Variants in SLC25A44 observed in about 807,000 individuals in gnomAD.
The protein encoded by SLC25A44 is solute carrier family 25, member 44.
SLC25A44 carries 17 observed loss-of-function variants against 29.9 expected under a neutral mutation model. That is an observed-to-expected ratio of 0.57 (90% CI 0.39 to 0.85). SLC25A44 has a LOEUF of 0.85. Among genes scored for constraint, SLC25A44 ranks in the 40% least tolerant of loss-of-function variants. SLC25A44 has a pLI of 0.00. For synonymous variants in SLC25A44, 140 were observed against 151.8 expected, an observed-to-expected ratio of 0.92 and a Z score of 0.57; for missense variants, 302 against 398.4, an observed-to-expected ratio of 0.76 and a Z score of 2.06.
At chr1:156,206,003 C>T (rs954703042) in intron 2 of SLC25A44, among the ~76,000 whole-genome samples, 2 of 152,160 alleles carry the variant, frequency 1.3e-5, no homozygotes, top group Non-Finnish European at 2.9e-5. Context: ...GGTACCATTC[C>T]ATCTTCATTA....
intron 2 of SLC25A44, among the ~76,000 whole-genome samples, chr1:156,207,044 A>G (rs1310890112): frequency 6.6e-6 from 1 of 152,172 alleles, no homozygotes; most frequent in East Asian, 1.9e-4. Context: ...TCCTGTTTAA[A>G]TGGACGATGT....
chr1:156,199,478 A>G, intron 1 of SLC25A44: 1 of 254,748 alleles, frequency 3.9e-6, no homozygotes, highest in Non-Finnish European at 7.5e-6. Context: ...TGGCCAGAGT[A>G]GTGATACCAG....
At position 156,211,277 on chromosome 1, in the gene SLC25A44, C is replaced by T. The variant is rs1181121244; in HGVS notation, c.*846C>T. 6.5e-6 allele frequency: 1 copy of T among 152,830 alleles called. No homozygotes were observed. The highest frequency in any genetic ancestry group is 1.5e-5 in the Non-Finnish European group (1 of 68,108). The allele number at this position is 152,830 out of a possible 1,614,324, so 9.5% of individuals were successfully genotyped here. On this transcript the variant is annotated 3_prime_UTR_variant, in exon 4 of 4. Coordinates refer to ENST00000359511, the MANE Select transcript of SLC25A44 (RefSeq NM_014655.4). ...GTCTAAGCTGGGGCATCCCCTGGCC[C>T]AGAGGACTCCCGTGGTGGGCACAGT...
At chr1:156,199,567 G>A in intron 1 of SLC25A44, 1 of 466,356 alleles carries the variant, frequency 2.1e-6, no homozygotes, top group Admixed American at 3.9e-5. Context: ...TGGAGCCAGG[G>A]GAATCATTGA....
intron 2 of SLC25A44, among the ~76,000 whole-genome samples, chr1:156,207,230 T>A (rs983420366): frequency 4.7e-5 from 7 of 149,714 alleles, no homozygotes; most frequent in Non-Finnish European, 1.0e-4. Flanking sequence ...CAGGCTGGAG[T>A]GCAGTGGCGC....
chr1:156,200,607 C>A, intron 2 of SLC25A44, 135 bp downstream of exon 2: 1 of 854,930 alleles, frequency 1.2e-6, no homozygotes, highest in Non-Finnish European at 1.8e-6. Flanking sequence ...ATGTTTGAAT[C>A]CAGGAGGATT....
intron 1 of SLC25A44, 104 bp from the exon 2 acceptor site, chr1:156,199,731 C>G: frequency 1.1e-6 from 1 of 952,062 alleles, no homozygotes; most frequent in South Asian, 1.6e-5. Context: ...GGTGAGTGTC[C>G]AGGAGATGAG....
chr1:156,210,210 A>C lies in SLC25A44; in HGVS notation c.754-30A>C, dbSNP rs1306521484. 2.0e-6 allele frequency: 3 copies of C among 1,487,588 alleles called. No individual in the cohort carries two copies. The African/African-American group carries it at 4.2e-5, about 21-fold the overall frequency. The allele number at this position is 1,487,588 out of a possible 1,614,324, so 92.1% of individuals were successfully genotyped here. A position where few individuals can be genotyped will look rare whatever the true frequency, so the allele number is the denominator to read the frequency against. On this transcript the variant is annotated intron_variant, in intron 3 of 3. Transcript: ENST00000359511. Reference sequence around the variant, plus strand: ...GAGCAGAGGGGCTCTGACTACAGACAATGGCCCTCCACTGTGTTGACTTTT... The same window carrying C: ...GAGCAGAGGGGCTCTGACTACAGACCATGGCCCTCCACTGTGTTGACTTTT...
Position 156,200,444 on chromosome 1 carries a change from C to T in SLC25A44, c.597C>T (p.Val199=). The part of the protein sequence containing the change: ...SLLTYIPNSA[V]WWPFYHFYAE... ...TTACCTATATCCCAAACAGTGCTGTCTGGTGGCCCTTCTATCACTTCTATG... is the reference window on the plus strand; with the variant it reads ...TTACCTATATCCCAAACAGTGCTGTTTGGTGGCCCTTCTATCACTTCTATG... Residue 199 remains valine, a synonymous_variant, in exon 2 of 4, where the codon GTC becomes GTT. Coordinates refer to ENST00000359511, the MANE Select transcript of SLC25A44 (RefSeq NM_014655.4). The T allele has an allele frequency of 6.2e-7, 1 of 1,610,936 alleles. No individual in the cohort carries two copies. Among genetic ancestry groups the T allele is most frequent in the South Asian group, 1.1e-5 (1 of 91,000 alleles).
intron 2 of SLC25A44, among the ~76,000 whole-genome samples, chr1:156,201,639 CTTCTT>C (rs1656587346): frequency 6.6e-6 from 1 of 151,946 alleles, no homozygotes; most frequent in East Asian, 1.9e-4. Flanking sequence ...TCCTCCTCTT[CTTCTT>C]TTGTTTCTTC....
Position 156,199,871 on chromosome 1 carries a change from G to C in SLC25A44, c.24G>C (p.Gln8His). 1.2e-6 allele frequency: 2 copies of C among 1,614,036 alleles called. No individual in the cohort carries two copies. Among genetic ancestry groups the C allele is most frequent in the Non-Finnish European group, 1.7e-6 (2 of 1,179,914 alleles). ...CCATGGAGGACAAACGCAACATCCA[G>C]ATCATCGAGTGGGAACACCTGGACA... Reference protein sequence around the residue: MEDKRNIQIIEWEHLDKK... With the variant: MEDKRNIHIIEWEHLDKK... The change falls in exon 2 of 4, where the codon CAG becomes CAC. Residue 8 changes from glutamine to histidine, a missense_variant. Physicochemically the swap from Gln to His is conservative, Grantham distance 24. Transcript: ENST00000359511.
intron 1 of SLC25A44, among the ~76,000 whole-genome samples, chr1:156,196,000 C>A (rs896628788): frequency 1.3e-5 from 2 of 152,202 alleles, no homozygotes; most frequent in Non-Finnish European, 2.9e-5. Context: ...ACTAATTCTG[C>A]GTCACCTGTT....
rs1558183878 is a variant in SLC25A44, at chr1:156,211,076, G to GTGT, written c.*646_*648dup. 6.6e-6 allele frequency: 1 copy of GTGT among 152,622 alleles called. No individual in the cohort carries two copies. The highest frequency in any genetic ancestry group is 2.5e-5 in the African/African-American group (1 of 40,626). The allele number at this position is 152,622 out of a possible 1,614,324, so 9.5% of individuals were successfully genotyped here. The stretch of plus-strand genomic sequence containing the variant: ...TTGTTTTGTGTGTGTGTGTGTGTGT[G>GTGT]TGTGTGTGTGTGTGTGTGTGTGTGT... On this transcript the variant is annotated 3_prime_UTR_variant, in exon 4 of 4. Transcript: ENST00000359511.
chr1:156,202,272 C>T (rs1191608231), intron 2 of SLC25A44, among the ~76,000 whole-genome samples: 36 of 152,212 alleles, frequency 2.4e-4, no homozygotes, highest in Admixed American at 2.4e-3. Flanking sequence ...TAGCTGTTCC[C>T]TCCTGAGTTC....
At position 156,200,460 on chromosome 1, in the gene SLC25A44, C is replaced by T. The variant is rs200085830; in HGVS notation, c.613C>T (p.His205Tyr). Residue 205 changes from histidine (H) to tyrosine (Y), a missense_variant, in exon 2 of 4, where the codon CAC (histidine) becomes TAC (tyrosine). His to Tyr is a moderately conservative substitution (Grantham distance 83, BLOSUM62 2). Coordinates refer to ENST00000359511, the MANE Select transcript of SLC25A44 (RefSeq NM_014655.4). ...PNSAVWWPFYHFYAEQLSYLC... is the reference protein window; with the variant it reads ...PNSAVWWPFYYFYAEQLSYLC... ...CAGTGCTGTCTGGTGGCCCTTCTAT[C>T]ACTTCTATGCAGGTAAGCAGGGGCC... 2.1e-5 allele frequency: 34 copies of T among 1,605,602 alleles called. No individual in the cohort carries two copies. In the Admixed American group the frequency reaches 4.2e-4, roughly 20 times the overall value.
Position 156,199,860 on chromosome 1 carries a change from C to G in SLC25A44, c.13C>G (p.Arg5Gly), listed in dbSNP as rs760375813. 3.1e-6 allele frequency: 5 copies of G among 1,613,232 alleles called. No individual in the cohort carries two copies. Among genetic ancestry groups the G allele is most frequent in the South Asian group, 1.1e-5 (1 of 90,946 alleles). ...GTCTTCAGGCACCATGGAGGACAAA[C>G]GCAACATCCAGATCATCGAGTGGGA... Reference protein sequence around the residue: MEDKRNIQIIEWEHL... With the variant: MEDKGNIQIIEWEHL... Residue 5 changes from arginine (R) to glycine (G), a missense_variant, in exon 2 of 4, where the codon CGC becomes GGC. Arg to Gly is a moderately radical substitution (Grantham distance 125). Transcript: ENST00000359511.
rs1249545264 is a variant in SLC25A44 at position 156,199,995 on chromosome 1, G to T, written c.148G>T (p.Gly50Trp). 1.2e-6 allele frequency: 2 copies of T among 1,614,152 alleles called. No homozygotes were observed. The highest frequency in any genetic ancestry group is 1.7e-6 in the Non-Finnish European group (2 of 1,179,996). ...LIRTRLQVQK[G>W]KSLYHGTFDA... The stretch of plus-strand genomic sequence containing the variant: ...CCGCACCCGGTTGCAAGTTCAGAAG[G>T]GGAAGAGCCTCTACCATGGGACCTT... The change falls in exon 2 of 4, where the codon GGG becomes TGG. Residue 50 changes from glycine to tryptophan, a missense_variant. Coordinates refer to ENST00000359511, the MANE Select transcript of SLC25A44 (RefSeq NM_014655.4).
rs1264499205 is a variant in SLC25A44 at position 156,211,392 on chromosome 1, C to T, written c.*961C>T. ...AGAAAGTAGTTGATCTAGAAGGCAA[C>T]AAGTGGGCATGTGTTCCCCAGCACA... On this transcript the variant is annotated 3_prime_UTR_variant, in exon 4 of 4. Coordinates refer to ENST00000359511, the MANE Select transcript of SLC25A44 (RefSeq NM_014655.4). 2 of 152,510 alleles carry T rather than the reference C, an allele frequency of 1.3e-5. No individual in the cohort carries two copies. The highest frequency in any genetic ancestry group is 4.8e-5 in the African/African-American group (2 of 41,420). 9.4% of individuals were successfully genotyped at this position (152,510 alleles called of 1,614,324 possible).
chr1:156,204,010 C>CTTT (rs1026823654), intron 2 of SLC25A44, among the ~76,000 whole-genome samples: 4 of 126,012 alleles, frequency 3.2e-5, no homozygotes, highest in Non-Finnish European at 5.1e-5. Flanking sequence ...GGCCCTTCTT[C>CTTT]TTTTTTTTTT....
Sources: allele counts gnomAD v4.1 joint callset (sites outside exome capture counted in the v4.1 genomes callset), GRCh38; gene constraint gnomAD v4.1.1; transcripts MANE v1.5; gene names NCBI Gene and HGNC (gene_info 2026-07-23, HGNC 2026-07-21).